THRB: variants seen among roughly 807,000 people sequenced by gnomAD.
The protein encoded by THRB is thyroid hormone receptor beta.
In THRB, 12 loss-of-function variants were observed where a neutral mutation model predicts 47.8. The ratio of observed to expected loss-of-function variants is 0.25; its 90% CI spans 0.16 to 0.41. The LOEUF is 0.41. Ranked by LOEUF, THRB falls within the 10% of genes least tolerant of loss-of-function variation. The pLI is 1.00. For synonymous variants in THRB, 218 were observed against 212.2 expected, an observed-to-expected ratio of 1.03 and a Z score of -0.24; for missense variants, 348 against 589.2, an observed-to-expected ratio of 0.59 and a Z score of 4.24.
rs541680289 is a variant in THRB, at chr3:24,236,772, A to G, written c.-42-7771T>C. On this transcript the variant is annotated intron_variant, in intron 3 of 10. Coordinates refer to ENST00000646209, the MANE Select transcript of THRB (RefSeq NM_001354712.2). ...CTGTGGGGAGTAAGAAAGTTTGGACACAGAAATAAATTTGTTCCCAAGTCT... is the reference window on the plus strand; with the variant it reads ...CTGTGGGGAGTAAGAAAGTTTGGACGCAGAAATAAATTTGTTCCCAAGTCT... Among the ~76,000 whole-genome samples the G allele has an allele frequency of 7.9e-5, 12 of 152,324 alleles. No individual in the cohort carries two copies. In the South Asian group the frequency reaches 1.5e-3, roughly 18 times the overall value.
chr3:24,387,932 T>C (rs1006770353), intron 1 of THRB, among the ~76,000 whole-genome samples: 1 of 152,068 alleles, frequency 6.6e-6, no homozygotes, highest in African/African-American at 2.4e-5. Flanking sequence ...CTCTAGGGCA[T>C]GATTGTCAGG....
Position 24,481,836 on chromosome 3 carries a change from A to G in THRB, c.-261+12816T>C, listed in dbSNP as rs552927755. On this transcript the variant is annotated intron_variant, in intron 1 of 10. Coordinates refer to ENST00000646209, the MANE Select transcript of THRB (RefSeq NM_001354712.2). ...AGGGACAAAAGTTTGAATATGGACC[A>G]TAAAAAAAAAAAAAAAAAATCCAGA... Among the ~76,000 whole-genome samples, 613 of 132,498 alleles carry G rather than the reference A, an allele frequency of 4.6e-3. 5 individuals are homozygous for G. The highest frequency in any genetic ancestry group is 0.019 in the African/African-American group (591 of 31,492). The allele number at this position is 132,498 out of a possible 152,430, so 86.9% of individuals were successfully genotyped here. A position where few individuals can be genotyped will look rare whatever the true frequency, so the allele number is the denominator to read the frequency against.
chr3:24,290,352 G>T (rs986815593), intron 3 of THRB, among the ~76,000 whole-genome samples: 1 of 152,126 alleles, frequency 6.6e-6, no homozygotes, highest in African/African-American at 2.4e-5. Flanking sequence ...CAACGGAGAG[G>T]CACCAGGCCG....
intron 3 of THRB, among the ~76,000 whole-genome samples, chr3:24,271,577 C>T (rs952324481): frequency 1.3e-5 from 2 of 152,024 alleles, no homozygotes; most frequent in Non-Finnish European, 2.9e-5. Flanking sequence ...GTTAGAGGTT[C>T]TCATTAGAAG....
chr3:24,241,037 G>A (rs1298199951), intron 3 of THRB, among the ~76,000 whole-genome samples: 1 of 152,186 alleles, frequency 6.6e-6, no homozygotes, highest in Non-Finnish European at 1.5e-5. Context: ...TGTGCCCACT[G>A]AGGGCCACTT....
intron 5 of THRB, among the ~76,000 whole-genome samples, chr3:24,173,237 C>T (rs2040675956): frequency 6.6e-6 from 1 of 152,158 alleles, no homozygotes; most frequent in African/African-American, 2.4e-5. Flanking sequence ...TCTAGCTAGT[C>T]TGTGTCAACT....
At chr3:24,441,903 C>A (rs2071565624) in intron 1 of THRB, among the ~76,000 whole-genome samples, 1 of 152,126 alleles carries the variant, frequency 6.6e-6, no homozygotes, top group Non-Finnish European at 1.5e-5. Context: ...AGAAAAAAAT[C>A]TTTATCTCTG....
chr3:24,304,600 A>G (rs948169067), intron 2 of THRB, among the ~76,000 whole-genome samples: 9 of 152,304 alleles, frequency 5.9e-5, no homozygotes, highest in East Asian at 3.9e-4. Context: ...AGACGTTAAC[A>G]TAGTACTAAC....
At chr3:24,364,115 A>T (rs953009460) in intron 1 of THRB, among the ~76,000 whole-genome samples, 9 of 152,158 alleles carry the variant, frequency 5.9e-5, no homozygotes, top group African/African-American at 2.2e-4. Context: ...TGCCACTCTT[A>T]ATATAAATGT....
intron 1 of THRB, among the ~76,000 whole-genome samples, chr3:24,352,241 T>C (rs2149548200): frequency 6.6e-6 from 1 of 152,324 alleles, no homozygotes; most frequent in East Asian, 1.9e-4. Flanking sequence ...AAAACATTCC[T>C]GTTAGTACTA....
At chr3:24,241,177 T>C (rs1333028385) in intron 3 of THRB, among the ~76,000 whole-genome samples, 1 of 152,188 alleles carries the variant, frequency 6.6e-6, no homozygotes. Context: ...AAGATTGGCT[T>C]TGCACTCTGC....
intron 1 of THRB, among the ~76,000 whole-genome samples, chr3:24,490,244 A>C (rs779492180): frequency 1.4e-4 from 21 of 152,348 alleles, no homozygotes; most frequent in Admixed American, 1.3e-3. Flanking sequence ...AATCAGAATG[A>C]CTTTAAATAA....
chr3:24,182,291 TAGG>T (rs1294279344), intron 5 of THRB, among the ~76,000 whole-genome samples: 1 of 152,184 alleles, frequency 6.6e-6, no homozygotes. Context: ...GGGCAACTTG[TAGG>T]AGATGTCCTG....
At chr3:24,418,242 G>A (rs1168102033) in intron 1 of THRB, among the ~76,000 whole-genome samples, 15 of 122,348 alleles carry the variant, frequency 1.2e-4, no homozygotes, top group Non-Finnish European at 2.1e-4. Flanking sequence ...AAGGGTATAG[G>A]GATTAAAAAA....
At chr3:24,339,619 C>A (rs968480881) in intron 1 of THRB, among the ~76,000 whole-genome samples, 1 of 152,124 alleles carries the variant, frequency 6.6e-6, no homozygotes, top group Non-Finnish European at 1.5e-5. Flanking sequence ...GCATCTTTTT[C>A]ATGCTGTGCC....
intron 3 of THRB, among the ~76,000 whole-genome samples, chr3:24,241,007 G>A (rs1037375870): frequency 1.1e-4 from 17 of 152,196 alleles, no homozygotes; most frequent in Admixed American, 3.9e-4. Context: ...TGGCCAACAC[G>A]TCCAGCTGTG....
chr3:24,150,265 G>C (rs1039850077), intron 6 of THRB, among the ~76,000 whole-genome samples: 1 of 152,052 alleles, frequency 6.6e-6, no homozygotes, highest in Non-Finnish European at 1.5e-5. Flanking sequence ...TTAAATTACA[G>C]GTTTGAATAA....
intron 4 of THRB, among the ~76,000 whole-genome samples, chr3:24,207,912 G>A (rs1465496996): frequency 6.6e-6 from 1 of 152,170 alleles, no homozygotes; most frequent in African/African-American, 2.4e-5. Flanking sequence ...AATTGTCCCT[G>A]TTTGCAGATG....
intron 3 of THRB, among the ~76,000 whole-genome samples, chr3:24,262,928 T>C (rs188307876): frequency 6.6e-6 from 1 of 152,322 alleles, no homozygotes; most frequent in Admixed American, 6.5e-5. Flanking sequence ...CTCAATACAT[T>C]TATGTGTAGA....
Sources: allele counts gnomAD v4.1 joint callset (sites outside exome capture counted in the v4.1 genomes callset), GRCh38; gene constraint gnomAD v4.1.1; transcripts MANE v1.5; gene names NCBI Gene and HGNC (gene_info 2026-07-23, HGNC 2026-07-21).